The following EFCAB8 variants were observed in gnomAD, a reference collection of about 807,000 sequenced individuals.
EFCAB8 encodes EF-hand calcium binding domain 8.
A neutral mutation model predicts 116.3 loss-of-function variants in EFCAB8; 100 were observed. The observed-to-expected ratio is 0.86, with a 90% confidence interval of 0.73 to 1.02. The LOEUF is 1.02. Among genes scored for constraint, EFCAB8 ranks in the 50% least tolerant of loss-of-function variants. The pLI is 0.00. For synonymous variants in EFCAB8, 558 were observed against 567.9 expected (o/e 0.98, Z 0.25); for missense variants, 1,320 against 1,416.9 (o/e 0.93, Z 1.10).
intron 7 of EFCAB8, 109 bp downstream of exon 7, chr20:32,889,515 C>T: frequency 5.3e-6 from 6 of 1,128,766 alleles, no homozygotes; most frequent in East Asian, 2.6e-5. Flanking sequence ...TCAGAGCCCC[C>T]TGGGAGGATA....
At position 32,911,531 on chromosome 20, in the gene EFCAB8, G is replaced by A; in HGVS notation, c.1609G>A (p.Gly537Ser). Reference sequence around the variant, plus strand: ...AGTGAGTGTGTGGGAGGTCGTGACGGGCAGGAAGACGATGGAGTTTGCTGT... The same window carrying A: ...AGTGAGTGTGTGGGAGGTCGTGACGAGCAGGAAGACGATGGAGTTTGCTGT... ...GTVSVWEVVTGRKTMEFAVSG... is the reference protein window; with the variant it reads ...GTVSVWEVVTSRKTMEFAVSG... The change falls in exon 16 of 27, where the codon GGC becomes AGC. Residue 537 changes from glycine to serine, a missense_variant. Gly to Ser is a moderately conservative substitution (Grantham distance 56, BLOSUM62 0). Coordinates refer to ENST00000400522, the MANE Select transcript of EFCAB8 (RefSeq NM_001143967.2). The A allele has an allele frequency of 6.6e-7, 1 of 1,520,566 alleles. No individual in the cohort carries two copies. The highest frequency in any genetic ancestry group is 8.9e-7 in the Non-Finnish European group (1 of 1,128,622). The allele number at this position is 1,520,566 out of a possible 1,614,324, so 94.2% of individuals were successfully genotyped here. A position where few individuals can be genotyped will look rare whatever the true frequency, so the allele number is the denominator to read the frequency against.
intron 5 of EFCAB8, among the ~76,000 whole-genome samples, chr20:32,883,003 G>A (rs1161301353): frequency 6.6e-6 from 1 of 151,978 alleles, no homozygotes; most frequent in Non-Finnish European, 1.5e-5. Flanking sequence ...CCTAGTTTTT[G>A]TATTTTTAAT....
chr20:32,896,606 G>A (rs1986172651), intron 10 of EFCAB8, 79 bp downstream of exon 10: 1 of 702,542 alleles, frequency 1.4e-6, no homozygotes, highest in East Asian at 2.7e-5. Context: ...TGCAAAAAGT[G>A]GATTTACTCC....
At chr20:32,875,875 G>A in intron 3 of EFCAB8, 51 bp from the exon 4 acceptor site, 1 of 1,507,050 alleles carries the variant, frequency 6.6e-7, no homozygotes, top group Non-Finnish European at 9.0e-7. Context: ...GCAGTGATGG[G>A]CCGAGGGACT....
At chr20:32,907,029 C>G in intron 13 of EFCAB8, 35 bp downstream of exon 13, 2 of 1,477,386 alleles carry the variant, frequency 1.4e-6, no homozygotes, top group Non-Finnish European at 1.8e-6. Flanking sequence ...TCCTTCTGTT[C>G]CTCAGGGAAA....
rs1600408597 is a variant in EFCAB8, at chr20:32,906,733, C to T, written c.1156+104C>T. ...GGGCTGCACAGCATCTGGCCTCTGT[C>T]TGGCTTCCTCTCCTGCTGCTCTTGT... On this transcript the variant is annotated intron_variant, in intron 12 of 26. Coordinates refer to ENST00000400522, the MANE Select transcript of EFCAB8 (RefSeq NM_001143967.2). 7 of 727,150 alleles carry T rather than the reference C, an allele frequency of 9.6e-6. No homozygotes were observed. In the East Asian group the frequency reaches 1.9e-4, roughly 19 times the overall value. 45.0% of individuals were successfully genotyped at this position (727,150 alleles called of 1,614,324 possible).
intron 20 of EFCAB8, among the ~76,000 whole-genome samples, chr20:32,920,496 C>G (rs1987398857): frequency 6.6e-6 from 1 of 152,114 alleles, no homozygotes; most frequent in Non-Finnish European, 1.5e-5. Flanking sequence ...TTCCATATGG[C>G]TGGGGAAGAC....
At chr20:32,865,431 G>C (rs192224146) in intron 2 of EFCAB8, among the ~76,000 whole-genome samples, 1 of 152,186 alleles carries the variant, frequency 6.6e-6, no homozygotes, top group African/African-American at 2.4e-5. Flanking sequence ...AGCTGGTTAG[G>C]AAGTACTTTG....
chr20:32,879,292 CAG>C (rs1213678061), intron 5 of EFCAB8, among the ~76,000 whole-genome samples: 1 of 152,170 alleles, frequency 6.6e-6, no homozygotes, highest in Non-Finnish European at 1.5e-5. Context: ...CTGGAGGCCT[CAG>C]AGTGGCTGGC....
chr20:32,917,061 C>A, intron 17 of EFCAB8: 1 of 519,506 alleles, frequency 1.9e-6, no homozygotes, highest in Middle Eastern at 5.3e-4. Flanking sequence ...GGGTGTATTA[C>A]ACATTGACTA....
chr20:32,887,338 G>A (rs568637602), intron 6 of EFCAB8, among the ~76,000 whole-genome samples: 1 of 152,374 alleles, frequency 6.6e-6, no homozygotes, highest in African/African-American at 2.4e-5. Flanking sequence ...CACTTTGGGA[G>A]GCTGAGGCAG....
rs199670004 is a variant in EFCAB8, at chr20:32,859,472, CT to C, written c.-11+467del. Among the ~76,000 whole-genome samples the C allele has an allele frequency of 4.6e-3, 706 of 152,294 alleles. 10 individuals carry two copies. The highest frequency in any genetic ancestry group is 0.017 in the African/African-American group (686 of 41,562). ...TTTGCCCTTTTCTTTTGGGTGGTCT[CT>C]GTTGGCAGCAACCAGCACTTTTTTT... is the stretch of plus-strand genomic sequence containing the variant. On this transcript the variant is annotated intron_variant, in intron 1 of 26. Coordinates refer to ENST00000400522, the MANE Select transcript of EFCAB8 (RefSeq NM_001143967.2).
At chr20:32,892,889 G>GACA (rs1985986597) in intron 8 of EFCAB8, among the ~76,000 whole-genome samples, 1 of 149,786 alleles carries the variant, frequency 6.7e-6, no homozygotes, top group African/African-American at 2.5e-5. Flanking sequence ...GTCCCAGGCT[G>GACA]GAGTGCAGTG....
chr20:32,932,669 C>T (rs1297497273), intron 22 of EFCAB8, among the ~76,000 whole-genome samples: 1 of 152,090 alleles, frequency 6.6e-6, no homozygotes, highest in Admixed American at 6.6e-5. Flanking sequence ...TATGATATAT[C>T]TTGGAGACCT....
At position 32,917,311 on chromosome 20, in the gene EFCAB8, A is replaced by C; in HGVS notation, c.1867A>C (p.Thr623Pro). The C allele has an allele frequency of 6.4e-7, 1 of 1,551,446 alleles. No homozygotes were observed. The highest frequency in any genetic ancestry group is 1.2e-5 in the South Asian group (1 of 84,050). ...TGGCCATATGCACAGGTTCCACAAGACCAAGCCAGTGCTCTTGTGCTACCA... is the reference window on the plus strand; with the variant it reads ...TGGCCATATGCACAGGTTCCACAAGCCCAAGCCAGTGCTCTTGTGCTACCA... ...KRITHFLFHKTKPVLLCYHWQ... is the reference protein window; with the variant it reads ...KRITHFLFHKPKPVLLCYHWQ... The change falls in exon 18 of 27, where the codon ACC (threonine) becomes CCC (proline). Residue 623 changes from threonine to proline, a missense_variant. By Grantham distance (38) the Thr-to-Pro change is conservative. Transcript: ENST00000400522.
rs1189345254 is a variant in EFCAB8, at chr20:32,918,343, T to A, written c.2062-19T>A. ...TACGACATTGCAGTGCCTTAGGGGC[T>A]GCTTTCTTCTTGGTACAGGTGCAAG... On this transcript the variant is annotated intron_variant, in intron 18 of 26. Transcript: ENST00000400522. The A allele has an allele frequency of 6.4e-7, 1 of 1,551,478 alleles. No individual in the cohort carries two copies. The highest frequency in any genetic ancestry group is 1.2e-5 in the South Asian group (1 of 84,030).
Position 32,867,745 on chromosome 20 carries a change from G to T in EFCAB8, c.206G>T (p.Gly69Val), listed in dbSNP as rs1338668009. ...TTTGAGGAGGACATCAACTCGACTG[G>T]AGGTAAGGCCGCTCTGTAGGCTCGG... ...KMFEEDINST[G>V]ALGMDAFIKA... is the part of the protein sequence containing the mutation. The change falls in exon 3 of 27, where the codon GGA (glycine) becomes GTA (valine). Residue 69 changes from glycine (G) to valine (V), a missense_variant and splice_region_variant. By Grantham distance (109) the Gly-to-Val change is moderately radical. Coordinates refer to ENST00000400522, the MANE Select transcript of EFCAB8 (RefSeq NM_001143967.2). The T allele has an allele frequency of 5.8e-6, 9 of 1,551,236 alleles. No individual in the cohort carries two copies. The highest frequency in any genetic ancestry group is 7.8e-6 in the Non-Finnish European group (9 of 1,146,886).
intron 5 of EFCAB8, among the ~76,000 whole-genome samples, chr20:32,883,266 G>T (rs746451342): frequency 6.6e-6 from 1 of 152,218 alleles, no homozygotes; most frequent in Non-Finnish European, 1.5e-5. Flanking sequence ...GGTAGCTTCA[G>T]TTAATGTCCC....
rs369876818 is a variant in EFCAB8 at position 32,943,737 on chromosome 20, C to G, written c.2892C>G (p.Phe964Leu). The change falls in exon 23 of 27, where the codon TTC (phenylalanine) becomes TTG (leucine). Residue 964 changes from phenylalanine to leucine, a missense_variant. Physicochemically the swap from Phe to Leu is conservative, Grantham distance 22 (BLOSUM62 0). Coordinates refer to ENST00000400522, the MANE Select transcript of EFCAB8 (RefSeq NM_001143967.2). ...CAGACATCCTGTATGTGGACAACTT[C>G]CAGCTGGTTATCAGCGCTGGCCAGG... ...SVADILYVDN[F>L]QLVISAGQDR... is the part of the protein sequence containing the mutation. The G allele has an allele frequency of 9.8e-5, 41 of 416,906 alleles. No individual in the cohort carries two copies. The highest frequency in any genetic ancestry group is 8.2e-4 in the African/African-American group (40 of 48,818). The allele number at this position is 416,906 out of a possible 1,614,324, so 25.8% of individuals were successfully genotyped here. A position where few individuals can be genotyped will look rare whatever the true frequency, so the allele number is the denominator to read the frequency against.
Sources: allele counts gnomAD v4.1 joint callset (sites outside exome capture counted in the v4.1 genomes callset), GRCh38; gene constraint gnomAD v4.1.1; transcripts MANE v1.5; gene names NCBI Gene and HGNC (gene_info 2026-07-23, HGNC 2026-07-21).